The following SPAG16 variants were observed in gnomAD, a reference collection of about 807,000 sequenced individuals.
SPAG16 encodes sperm-associated antigen 16 protein.
A neutral mutation model predicts 80.4 loss-of-function variants in SPAG16; 86 were observed. The ratio of observed to expected loss-of-function variants is 1.07; its 90% CI spans 0.90 to 1.28. The LOEUF is 1.28. SPAG16 is among the 50% of genes most tolerant of loss of function. The probability of loss-of-function intolerance (pLI) is 0.00; values close to 1 mark genes in which losing one functional copy is unlikely to be tolerated. For synonymous variants in SPAG16, 294 were observed against 265.9 expected (o/e 1.11, Z -1.03); for missense variants, 870 against 765.3 (o/e 1.14, Z -1.61).
chr2:213,896,590 A>ATG (rs1389564674), intron 11 of SPAG16, among the ~76,000 whole-genome samples: 35 of 90,488 alleles, frequency 3.9e-4, no homozygotes, highest in African/African-American at 1.4e-3. Context: ...ACACACACAC[A>ATG]CGCACACACA....
At chr2:214,047,864 A>T (rs879595671) in intron 13 of SPAG16, among the ~76,000 whole-genome samples, 5 of 152,178 alleles carry the variant, frequency 3.3e-5, no homozygotes, top group Non-Finnish European at 5.9e-5. Context: ...ACTCTGATTT[A>T]AAAAATGGGC....
At position 213,623,686 on chromosome 2, in the gene SPAG16, T is replaced by C. The variant is rs963065745; in HGVS notation, c.1070+133596T>C. On this transcript the variant is annotated intron_variant, in intron 10 of 15. Coordinates refer to ENST00000331683, the MANE Select transcript of SPAG16 (RefSeq NM_024532.5). Reference sequence around the variant, plus strand: ...AATAAATATTTAACCTAGGAGTAGGTTAGGCACTTTAAAAAGCTGTAGTAA... The same window carrying C: ...AATAAATATTTAACCTAGGAGTAGGCTAGGCACTTTAAAAAGCTGTAGTAA... 2.0e-5 allele frequency among the ~76,000 whole-genome samples: 3 copies of C among 152,104 alleles called. No homozygotes were observed. The East Asian group carries it at 5.8e-4, about 29-fold the overall frequency.
intron 13 of SPAG16, among the ~76,000 whole-genome samples, chr2:214,052,953 C>CGTCTTCTCT: frequency 6.6e-6 from 1 of 152,202 alleles, no homozygotes; most frequent in Non-Finnish European, 1.5e-5. Context: ...CTAGAAATGA[C>CGTCTTCTCT]AGAGTTTTTT....
chr2:213,707,590 C>T (rs1032895484), intron 10 of SPAG16, among the ~76,000 whole-genome samples: 3 of 151,784 alleles, frequency 2.0e-5, no homozygotes, highest in Non-Finnish European at 4.4e-5. Flanking sequence ...AAAGTAGGTG[C>T]TCTGCATATA....
chr2:213,436,287 G>A (rs2070634849), intron 9 of SPAG16, among the ~76,000 whole-genome samples: 1 of 152,170 alleles, frequency 6.6e-6, no homozygotes, highest in East Asian at 1.9e-4. Context: ...AAATATGTGT[G>A]GCTAACGGAT....
At chr2:213,423,172 T>A (rs2069703076) in intron 9 of SPAG16, among the ~76,000 whole-genome samples, 1 of 152,222 alleles carries the variant, frequency 6.6e-6, no homozygotes, top group Non-Finnish European at 1.5e-5. Flanking sequence ...TCTTATTTTA[T>A]GATAGATTTT....
intron 13 of SPAG16, among the ~76,000 whole-genome samples, chr2:214,078,940 A>G (rs1484395408): frequency 1.3e-5 from 2 of 152,190 alleles, no homozygotes; most frequent in African/African-American, 4.8e-5. Flanking sequence ...ATACTGCACT[A>G]TTGCCCTTCC....
intron 8 of SPAG16, among the ~76,000 whole-genome samples, chr2:213,372,327 C>T (rs116462958): frequency 0.013 from 1,993 of 152,074 alleles, 21 homozygotes; most frequent in South Asian, 0.038. Flanking sequence ...GGATGACCTT[C>T]TAGAAATTGT....
intron 9 of SPAG16, among the ~76,000 whole-genome samples, chr2:213,412,411 A>C (rs1276525224): frequency 6.6e-6 from 1 of 152,140 alleles, no homozygotes; most frequent in Non-Finnish European, 1.5e-5. Context: ...TTCTATATAG[A>C]AGTAACTTGC....
At chr2:213,762,658 A>G (rs1286604578) in intron 10 of SPAG16, among the ~76,000 whole-genome samples, 2 of 152,194 alleles carry the variant, frequency 1.3e-5, no homozygotes, top group Non-Finnish European at 2.9e-5. Context: ...AAATTTTAAC[A>G]AAGACCTGAA....
chr2:213,372,982 G>C (rs768210706), intron 8 of SPAG16, among the ~76,000 whole-genome samples: 2 of 152,120 alleles, frequency 1.3e-5, no homozygotes, highest in Non-Finnish European at 2.9e-5. Context: ...ACAATAAATA[G>C]AATTTCTATA....
At chr2:213,603,262 A>G (rs1347276987) in intron 10 of SPAG16, among the ~76,000 whole-genome samples, 1 of 152,190 alleles carries the variant, frequency 6.6e-6, no homozygotes, top group Non-Finnish European at 1.5e-5. Flanking sequence ...ACCCTTGTTT[A>G]TATCTTTCGC....
intron 13 of SPAG16, among the ~76,000 whole-genome samples, chr2:214,054,727 G>T (rs1266416991): frequency 1.3e-5 from 2 of 152,044 alleles, no homozygotes; most frequent in Non-Finnish European, 2.9e-5. Flanking sequence ...TGCTTATATA[G>T]TTACATATAT....
At chr2:214,371,340 C>A (rs979020693) in intron 15 of SPAG16, among the ~76,000 whole-genome samples, 1 of 151,894 alleles carries the variant, frequency 6.6e-6, no homozygotes. Flanking sequence ...CAAGACCAGC[C>A]TGACCAACAT....
chr2:214,237,919 G>A lies in SPAG16; in HGVS notation c.1720+88653G>A, dbSNP rs184438315. On this transcript the variant is annotated intron_variant, in intron 15 of 15. Coordinates refer to ENST00000331683, the MANE Select transcript of SPAG16 (RefSeq NM_024532.5). ...AGTAGTTTTAATTCCTATGTTTCAT[G>A]TATAGAAACCATGCTATCATTCTTC... 3.1e-3 allele frequency among the ~76,000 whole-genome samples: 468 copies of A among 152,178 alleles called. 4 individuals are homozygous for A. Among genetic ancestry groups the A allele is most frequent in the African/African-American group, 0.011 (449 of 41,550 alleles).
At chr2:213,681,227 A>G (rs1251492894) in intron 10 of SPAG16, among the ~76,000 whole-genome samples, 4 of 152,216 alleles carry the variant, frequency 2.6e-5, no homozygotes, top group South Asian at 2.1e-4. Context: ...GCAAGGAAAT[A>G]TATTTTGGGG....
intron 9 of SPAG16, among the ~76,000 whole-genome samples, chr2:213,468,077 C>T (rs4016238): frequency 0.06 from 9,127 of 152,146 alleles, 913 homozygotes; most frequent in African/African-American, 0.21. Flanking sequence ...CTGCAGCTTC[C>T]TCCTGATACC....
chr2:213,862,776 C>T, intron 11 of SPAG16, 148 bp downstream of exon 11: 1 of 863,092 alleles, frequency 1.2e-6, no homozygotes, highest in South Asian at 2.2e-5. Flanking sequence ...GACAAATTCC[C>T]CTTTGGTTTT....
At chr2:214,164,365 T>G (rs1348380037) in intron 15 of SPAG16, among the ~76,000 whole-genome samples, 1 of 152,120 alleles carries the variant, frequency 6.6e-6, no homozygotes, top group Middle Eastern at 3.2e-3. Flanking sequence ...CTGAGATTAC[T>G]TCTCTATGAA....
Sources: gnomAD v4.1 joint callset for allele counts (sites outside exome capture counted in the v4.1 genomes callset) on GRCh38, gnomAD v4.1.1 for gene constraint, MANE v1.5 for transcripts, NCBI Gene and HGNC (gene_info 2026-07-23, HGNC 2026-07-21) for gene names.